CHUK: variants seen among roughly 807,000 people sequenced by gnomAD.
The protein encoded by CHUK is component of inhibitor of nuclear factor kappa B kinase complex, also known as inhibitor of nuclear factor kappa-B kinase subunit alpha.
Under a neutral mutation model 104.8 loss-of-function variants are expected in CHUK, and 35 were observed. The observed-to-expected ratio is 0.33, with a 90% CI of 0.26 to 0.44. The LOEUF is 0.44. Ranked by LOEUF, CHUK falls within the 20% of genes least tolerant of loss-of-function variation. The pLI, the probability that CHUK is intolerant of heterozygous loss-of-function variation, is 1.00. For missense variants in CHUK, 663 were observed against 902.7 expected (o/e 0.73, Z 3.40); for synonymous variants, 276 against 291.9 (o/e 0.95, Z 0.56).
At chr10:100,194,567 T>C in intron 16 of CHUK, 46 bp from the exon 17 acceptor site, 1 of 1,301,128 alleles carries the variant, frequency 7.7e-7, no homozygotes, top group East Asian at 2.3e-5. Flanking sequence ...TTCTGTAACA[T>C]ATCAGCCTCC....
intron 10 of CHUK, among the ~76,000 whole-genome samples, chr10:100,209,315 C>T (rs953109965): frequency 3.9e-5 from 6 of 152,262 alleles, no homozygotes; most frequent in African/African-American, 7.2e-5. Context: ...ATCTGCATCT[C>T]GTTATTGGGC....
intron 19 of CHUK, among the ~76,000 whole-genome samples, chr10:100,191,544 A>G (rs1487268875): frequency 6.6e-6 from 1 of 152,220 alleles, no homozygotes; most frequent in African/African-American, 2.4e-5. Flanking sequence ...AGCTACCCAG[A>G]ACCAAGAAGT....
chr10:100,206,204 T>C lies in CHUK; in HGVS notation c.1232-1005A>G, dbSNP rs17885756. ...CTTCAATTAATAATAAATGGGTTCA[T>C]TAAATGTAACAAATACATCATACTA... is the stretch of plus-strand genomic sequence containing the variant. On this transcript the variant is annotated intron_variant, in intron 11 of 20. Coordinates refer to ENST00000370397, the MANE Select transcript of CHUK (RefSeq NM_001278.5). 1.6e-3 allele frequency among the ~76,000 whole-genome samples: 241 copies of C among 152,258 alleles called. 1 individual carries two copies. Among genetic ancestry groups the C allele is most frequent in the African/African-American group, 5.6e-3 (231 of 41,570 alleles).
intron 19 of CHUK, 42 bp downstream of exon 19, chr10:100,193,256 G>A (rs769235832): frequency 1.2e-6 from 2 of 1,608,276 alleles, no homozygotes; most frequent in South Asian, 1.1e-5. Flanking sequence ...CTATACCACT[G>A]CTATGAAAAC....
At chr10:100,227,256 TACA>T (rs929319903) in intron 1 of CHUK, among the ~76,000 whole-genome samples, 14 of 152,222 alleles carry the variant, frequency 9.2e-5, no homozygotes, top group Non-Finnish European at 1.5e-4. Flanking sequence ...TTTATAGATG[TACA>T]ACAACAACAA....
intron 10 of CHUK, among the ~76,000 whole-genome samples, chr10:100,208,892 C>T (rs1381497664): frequency 2.6e-5 from 4 of 151,272 alleles, no homozygotes; most frequent in African/African-American, 9.7e-5. Context: ...AGCAAAATAA[C>T]AAAGGAATTC....
At chr10:100,209,155 AGAT>A (rs1172030279) in intron 10 of CHUK, among the ~76,000 whole-genome samples, 1 of 152,272 alleles carries the variant, frequency 6.6e-6, no homozygotes, top group Non-Finnish European at 1.5e-5. Context: ...TTATGTCTTT[AGAT>A]GAATGCAAAC....
At chr10:100,224,121 ACT>A (rs1396715846) in intron 2 of CHUK, among the ~76,000 whole-genome samples, 1 of 149,066 alleles carries the variant, frequency 6.7e-6, no homozygotes, top group African/African-American at 2.5e-5. Context: ...CAGATCACTC[ACT>A]CTTTCTGAGG....
intron 1 of CHUK, among the ~76,000 whole-genome samples, chr10:100,226,846 T>A (rs1589601099): frequency 6.6e-6 from 1 of 151,980 alleles, no homozygotes; most frequent in Admixed American, 6.6e-5. Flanking sequence ...AGAAAAAATA[T>A]ATTATAGGTG....
downstream of CHUK, chr10:100,187,981 T>G (rs1384501519): frequency 6.6e-6 from 1 of 152,188 alleles, no homozygotes; most frequent in Non-Finnish European, 1.5e-5. Flanking sequence ...TGTTTATTAC[T>G]AAAATCTTCT....
chr10:100,218,924 A>C, intron 7 of CHUK, 84 bp downstream of exon 7: 17 of 1,554,014 alleles, frequency 1.1e-5, no homozygotes, highest in Non-Finnish European at 1.5e-5. Flanking sequence ...AAAGGCAATT[A>C]AACAATTAAA....
chr10:100,216,878 A>G (rs1845867663), intron 9 of CHUK, among the ~76,000 whole-genome samples: 1 of 152,208 alleles, frequency 6.6e-6, no homozygotes, highest in South Asian at 2.1e-4. Flanking sequence ...TAGGAAGGGT[A>G]GGGTGGGTGA....
At position 100,208,782 on chromosome 10, in the gene CHUK, T is replaced by TTAAAAAAAAA. The variant is rs567080277; in HGVS notation, c.1128+812_1128+813insTTTTTTTTTA. On this transcript the variant is annotated intron_variant, in intron 10 of 20. Transcript: ENST00000370397. ...GCCTGGGCAACAGAGCAAGACTGTC[T>TTAAAAAAAAA]AAAAAAAAAAAAAACTGGAAGAGCC... 2.0e-4 allele frequency among the ~76,000 whole-genome samples: 25 copies of TTAAAAAAAAA among 125,512 alleles called. 1 individual carries two copies. Among genetic ancestry groups the TTAAAAAAAAA allele is most frequent in the South Asian group, 5.0e-4 (2 of 4,014 alleles). The allele number at this position is 125,512 out of a possible 152,430, so 82.3% of individuals were successfully genotyped here.
At position 100,209,671 on chromosome 10, in the gene CHUK, G is replaced by T; in HGVS notation, c.1052C>A (p.Ser351Tyr). 6.2e-7 allele frequency: 1 copy of T among 1,607,640 alleles called. No homozygotes were observed. ...IERETGINTG[S>Y]QELLSETGIS... ...TCCTGTCTCTGAAAGAAGTTCTTGA[G>T]AACCAGTATTTATTCCAGTTTCACG... The change falls in exon 10 of 21, where the codon TCT (serine) becomes TAT (tyrosine). Residue 351 changes from serine (S) to tyrosine (Y), a missense_variant. By Grantham distance (144) the Ser-to-Tyr change is moderately radical. Coordinates refer to ENST00000370397, the MANE Select transcript of CHUK (RefSeq NM_001278.5).
At chr10:100,196,181 A>G (rs1296678484) in intron 16 of CHUK, among the ~76,000 whole-genome samples, 2 of 152,156 alleles carry the variant, frequency 1.3e-5, no homozygotes, top group Non-Finnish European at 2.9e-5. Flanking sequence ...CTCTAGCTAC[A>G]ACTTCTATCA....
At chr10:100,197,594 CAAAA>C (rs1282372892) in intron 16 of CHUK, among the ~76,000 whole-genome samples, 3 of 152,038 alleles carry the variant, frequency 2.0e-5, no homozygotes, top group Non-Finnish European at 2.9e-5. Flanking sequence ...TAAAAACAAA[CAAAA>C]AAACCTATAT....
At chr10:100,202,343 T>G (rs1845483067) in intron 13 of CHUK, among the ~76,000 whole-genome samples, 194 bp from the exon 14 acceptor site, 1 of 152,142 alleles carries the variant, frequency 6.6e-6, no homozygotes, top group Non-Finnish European at 1.5e-5. Context: ...ACAGAAGTAA[T>G]CAGATAAATT....
At chr10:100,193,116 T>C (rs1845241988) in intron 19 of CHUK, 182 bp downstream of exon 19, 1 of 666,940 alleles carries the variant, frequency 1.5e-6, no homozygotes, top group African/African-American at 1.8e-5. Context: ...GACATTCCTG[T>C]TTTACAGGTG....
At chr10:100,204,760 C>G in intron 12 of CHUK, 103 bp from the exon 13 acceptor site, 2 of 948,414 alleles carry the variant, frequency 2.1e-6, no homozygotes, top group East Asian at 2.6e-5. Context: ...AGGCCAAAGC[C>G]TAAGTTTCTA....
Sources: allele counts gnomAD v4.1 joint callset (sites outside exome capture counted in the v4.1 genomes callset), GRCh38; gene constraint gnomAD v4.1.1; transcripts MANE v1.5; gene names NCBI Gene and HGNC (gene_info 2026-07-23, HGNC 2026-07-21).